DNAJC15: variants seen among roughly 807,000 people sequenced by gnomAD.
The protein encoded by DNAJC15 is DnaJ heat shock protein family (Hsp40) member C15.
A neutral mutation model predicts 22.4 loss-of-function variants in DNAJC15; 27 were observed. That is an observed-to-expected ratio of 1.20 (90% confidence interval 0.89 to 1.66). The LOEUF (loss-of-function observed/expected upper bound fraction) is 1.66. Among genes scored for constraint, DNAJC15 ranks in the 40% most tolerant of loss-of-function variants. The pLI, the probability that DNAJC15 is intolerant of heterozygous loss-of-function variation, is 0.00. For synonymous variants in DNAJC15, 79 were observed against 63.2 expected (o/e 1.25, Z -1.19); for missense variants, 208 against 187.1 (o/e 1.11, Z -0.65).
intron 1 of DNAJC15, among the ~76,000 whole-genome samples, chr13:43,031,677 T>C (rs370024398): frequency 6.6e-6 from 1 of 152,352 alleles, no homozygotes; most frequent in Non-Finnish European, 1.5e-5. Flanking sequence ...CCTGCTAATA[T>C]TATAACCCTC....
intron 1 of DNAJC15, among the ~76,000 whole-genome samples, chr13:43,055,844 AT>A (rs1213008891): frequency 3.3e-5 from 5 of 151,986 alleles, no homozygotes; most frequent in Admixed American, 3.3e-4. Flanking sequence ...CTCCTTCAGA[AT>A]TTTTGATGTA....
At chr13:43,105,677 C>T (rs776642906) in intron 5 of DNAJC15, among the ~76,000 whole-genome samples, 1 of 152,060 alleles carries the variant, frequency 6.6e-6, no homozygotes, top group African/African-American at 2.4e-5. Context: ...ATTTAAATAT[C>T]CATAATGCAT....
chr13:43,066,031 A>G (rs559069892), intron 2 of DNAJC15, among the ~76,000 whole-genome samples: 2 of 152,262 alleles, frequency 1.3e-5, no homozygotes, highest in South Asian at 4.1e-4. Context: ...AGAAATTTTA[A>G]TATTATGCAA....
At chr13:43,054,695 GGT>G (rs1489621022) in intron 1 of DNAJC15, among the ~76,000 whole-genome samples, 1 of 151,872 alleles carries the variant, frequency 6.6e-6, no homozygotes, top group Non-Finnish European at 1.5e-5. Context: ...TCTGTGTAAG[GGT>G]GTTCATAGTA....
At chr13:43,032,446 G>A (rs1378316557) in intron 1 of DNAJC15, among the ~76,000 whole-genome samples, 2 of 152,236 alleles carry the variant, frequency 1.3e-5, no homozygotes, top group African/African-American at 2.4e-5. Flanking sequence ...AATCCACAGT[G>A]TAAGGGTAAC....
At chr13:43,093,367 A>G (rs2040724304) in intron 5 of DNAJC15, among the ~76,000 whole-genome samples, 2 of 152,334 alleles carry the variant, frequency 1.3e-5, no homozygotes, top group East Asian at 1.9e-4. Flanking sequence ...AGTATTTACA[A>G]TAATAGAAAT....
intron 5 of DNAJC15, among the ~76,000 whole-genome samples, chr13:43,106,811 A>G (rs1222133861): frequency 6.7e-6 from 1 of 150,356 alleles, no homozygotes; most frequent in Admixed American, 6.6e-5. Context: ...AAAAAAAAAA[A>G]CAGTCATGGA....
At chr13:43,025,896 T>C (rs2040378612) in intron 1 of DNAJC15, among the ~76,000 whole-genome samples, 1 of 152,178 alleles carries the variant, frequency 6.6e-6, no homozygotes, top group Admixed American at 6.5e-5. Context: ...AGAGCGAGAC[T>C]TTGTCTCAAA....
At chr13:43,074,881 C>T (rs1320500589) in intron 3 of DNAJC15, among the ~76,000 whole-genome samples, 1 of 152,132 alleles carries the variant, frequency 6.6e-6, no homozygotes, top group African/African-American at 2.4e-5. Flanking sequence ...ACTCAATGAG[C>T]CCTCCATGTC....
intron 5 of DNAJC15, among the ~76,000 whole-genome samples, chr13:43,096,308 T>C (rs1381210675): frequency 2.0e-5 from 3 of 152,206 alleles, no homozygotes; most frequent in African/African-American, 4.8e-5. Context: ...AAAGGACACA[T>C]AGTATCTTTA....
At chr13:43,075,544 G>T (rs754276873) in intron 3 of DNAJC15, among the ~76,000 whole-genome samples, 1 of 152,112 alleles carries the variant, frequency 6.6e-6, no homozygotes, top group South Asian at 2.1e-4. Flanking sequence ...GCAAATATTT[G>T]GTGATACTTC....
rs1362971886 is a variant in DNAJC15, at chr13:43,111,450, T to C, written c.*4202T>C. 6.6e-6 allele frequency: 1 copy of C among 152,232 alleles called. No homozygotes were observed. The highest frequency in any genetic ancestry group is 2.4e-5 in the African/African-American group (1 of 41,460). 9.4% of individuals were successfully genotyped at this position (152,232 alleles called of 1,614,324 possible). On this transcript the variant is annotated 3_prime_UTR_variant, in exon 6 of 6. Coordinates refer to ENST00000379221, the MANE Select transcript of DNAJC15 (RefSeq NM_013238.3). ...TTAGAAATAATATATTTTATTCATG[T>C]GCAGAAATCTTTTGGTTGTCCTGGG...
At position 43,036,129 on chromosome 13, in the gene DNAJC15, T is replaced by A. The variant is rs562856462; in HGVS notation, c.108+12395T>A. 1.5e-4 allele frequency among the ~76,000 whole-genome samples: 23 copies of A among 152,180 alleles called. No homozygotes were observed. In the South Asian group the frequency reaches 4.1e-3, roughly 27 times the overall value. ...ATTCCATTTTATTTTGTTACTTTTT[T>A]AAATTGTGATTGGACAAAATGTTTT... On this transcript the variant is annotated intron_variant, in intron 1 of 5. Coordinates refer to ENST00000379221, the MANE Select transcript of DNAJC15 (RefSeq NM_013238.3).
chr13:43,093,475 A>C (rs1322824568), intron 5 of DNAJC15, among the ~76,000 whole-genome samples: 1 of 152,128 alleles, frequency 6.6e-6, no homozygotes, highest in Non-Finnish European at 1.5e-5. Flanking sequence ...CAGTGGTGTG[A>C]TCACAGCTCA....
intron 1 of DNAJC15, among the ~76,000 whole-genome samples, chr13:43,054,002 A>G (rs1448003839): frequency 4.6e-5 from 7 of 152,152 alleles, no homozygotes; most frequent in Non-Finnish European, 8.8e-5. Context: ...AGTTCCCAGA[A>G]GGAATGCTTT....
chr13:43,056,644 G>T (rs1297743039), intron 1 of DNAJC15, among the ~76,000 whole-genome samples: 2 of 152,142 alleles, frequency 1.3e-5, no homozygotes, highest in Non-Finnish European at 2.9e-5. Flanking sequence ...CACTGTTATT[G>T]TGTTGCCATC....
intron 3 of DNAJC15, among the ~76,000 whole-genome samples, chr13:43,069,551 A>G (rs1593321058): frequency 6.6e-6 from 1 of 152,214 alleles, no homozygotes; most frequent in Non-Finnish European, 1.5e-5. Context: ...GGGGAGCTGA[A>G]TGTAAGTGAA....
At chr13:43,028,858 T>G (rs1229965995) in intron 1 of DNAJC15, among the ~76,000 whole-genome samples, 1 of 152,208 alleles carries the variant, frequency 6.6e-6, no homozygotes, top group Non-Finnish European at 1.5e-5. Flanking sequence ...TACTGTGTGT[T>G]TCCTTAGGAA....
At chr13:43,024,200 G>A (rs1325150914) in intron 1 of DNAJC15, among the ~76,000 whole-genome samples, 4 of 152,058 alleles carry the variant, frequency 2.6e-5, no homozygotes, top group Non-Finnish European at 4.4e-5. Flanking sequence ...TGTCTCCAAA[G>A]TCTCCGGCAC....
Sources: gnomAD v4.1 joint callset for allele counts (sites outside exome capture counted in the v4.1 genomes callset) on GRCh38, gnomAD v4.1.1 for gene constraint, MANE v1.5 for transcripts, NCBI Gene and HGNC (gene_info 2026-07-23, HGNC 2026-07-21) for gene names.